Variants in ZNF644 observed in about 807,000 individuals in gnomAD.
ZNF644 encodes the protein zinc finger protein 644.
Under a neutral mutation model 108.0 loss-of-function variants are expected in ZNF644, and 20 were observed. The observed-to-expected ratio is 0.19, with a 90% CI of 0.13 to 0.27. ZNF644 has a LOEUF of 0.27. Among genes scored for constraint, ZNF644 ranks in the 10% least tolerant of loss-of-function variants. ZNF644 has a pLI of 1.00. For synonymous variants in ZNF644, 542 were observed against 539.1 expected, an observed-to-expected ratio of 1.01 and a Z score of -0.08; for missense variants, 1,338 against 1,548.9, an observed-to-expected ratio of 0.86 and a Z score of 2.29.
At chr1:90,953,026 A>G (rs1653351270) in intron 2 of ZNF644, among the ~76,000 whole-genome samples, 1 of 151,742 alleles carries the variant, frequency 6.6e-6, no homozygotes, top group South Asian at 2.1e-4. Flanking sequence ...AAAAAAAAAA[A>G]AAAAGCAGCT....
chr1:90,955,551 C>G (rs367792537), intron 2 of ZNF644, among the ~76,000 whole-genome samples: 3 of 152,342 alleles, frequency 2.0e-5, no homozygotes, highest in East Asian at 3.9e-4. Flanking sequence ...CTTGCTGCAT[C>G]ACTTTGAGCT....
chr1:90,950,282 A>G (rs190973407), intron 2 of ZNF644, among the ~76,000 whole-genome samples: 679 of 3,346 alleles, frequency 0.2, 26 homozygotes, highest in Middle Eastern at 0.4. Context: ...ATCTCAAGGG[A>G]AGGGAAGGGA....
Position 90,938,683 on chromosome 1 carries a change from G to A in ZNF644, c.2671C>T (p.Pro891Ser). ...DINQEHVNLF[P>S]LFKSKVEGQE... is the part of the protein sequence containing the mutation. ...CCTTCCACTTTGCTCTTAAATAAAG[G>A]GAATAAATTTACATGCTCTTGATTA... The change falls in exon 3 of 6, where the codon CCT becomes TCT. Residue 891 changes from proline to serine, a missense_variant. Around this residue, in one of 6 missense-constraint regions of ZNF644, gnomAD observed 462 missense variants for 472.6 expected, o/e 0.98. Coordinates refer to ENST00000337393, the MANE Select transcript of ZNF644 (RefSeq NM_201269.3). The surrounding 1 kb of genome is among the most constrained non-coding windows in gnomAD (Gnocchi z 4.2). The A allele has an allele frequency of 6.2e-7, 1 of 1,612,128 alleles. No individual in the cohort carries two copies. The highest frequency in any genetic ancestry group is 1.3e-5 in the African/African-American group (1 of 74,818).
chr1:90,930,345 A>G (rs1650595411), intron 4 of ZNF644, among the ~76,000 whole-genome samples: 2 of 152,340 alleles, frequency 1.3e-5, no homozygotes, highest in African/African-American at 4.8e-5. Context: ...CCCAAATATA[A>G]AAATATTTTT....
intron 2 of ZNF644, among the ~76,000 whole-genome samples, chr1:90,947,990 G>A (rs1323787997): frequency 6.6e-6 from 1 of 152,150 alleles, no homozygotes; most frequent in Non-Finnish European, 1.5e-5. Context: ...GGGACTGTAT[G>A]TAATTACATA....
chr1:90,983,110 G>C (rs1365422448), intron 1 of ZNF644, among the ~76,000 whole-genome samples: 1 of 151,996 alleles, frequency 6.6e-6, no homozygotes, highest in East Asian at 1.9e-4. Context: ...CCTGAAACTA[G>C]CTTGTGACTC....
intron 2 of ZNF644, among the ~76,000 whole-genome samples, chr1:90,963,540 ACAGCAGCATTATT>A (rs1654538001): frequency 6.6e-6 from 1 of 152,178 alleles, no homozygotes; most frequent in Non-Finnish European, 1.5e-5. Flanking sequence ...AAGAATGTTC[ACAGCAGCATTATT>A]CAGCCCAAAC....
At chr1:90,927,301 G>A (rs1208907390) in intron 4 of ZNF644, among the ~76,000 whole-genome samples, 1 of 152,108 alleles carries the variant, frequency 6.6e-6, no homozygotes, top group Admixed American at 6.6e-5. Context: ...ATGTATCTCT[G>A]CATACTTAGC....
At chr1:90,953,258 C>T (rs1264018248) in intron 2 of ZNF644, among the ~76,000 whole-genome samples, 1 of 151,192 alleles carries the variant, frequency 6.6e-6, no homozygotes, top group East Asian at 1.9e-4. Flanking sequence ...CAGTTCCAGA[C>T]GACTGCAATA....
chr1:90,999,897 G>A (rs1396390481), intron 1 of ZNF644, among the ~76,000 whole-genome samples: 4 of 152,146 alleles, frequency 2.6e-5, no homozygotes, highest in African/African-American at 9.7e-5. Context: ...CCTAGTCTCT[G>A]ATAAAACAGA....
rs1401343237 is a variant in ZNF644, at chr1:90,940,666, C to A, written c.688G>T (p.Asp230Tyr). ...NQVEVGEDGE[D>Y]LLVKDDCVNT... Reference sequence around the variant, plus strand: ...ACACAATCATCTTTCACCAATAAATCTTCACCATCCTCACCCACCTCTACT... The same window carrying A: ...ACACAATCATCTTTCACCAATAAATATTCACCATCCTCACCCACCTCTACT... The change falls in exon 3 of 6, where the codon GAT (aspartate) becomes TAT (tyrosine). Residue 230 changes from aspartate (D) to tyrosine (Y), a missense_variant. Physicochemically the swap from Asp to Tyr is radical, Grantham distance 160. This residue lies in a region of ZNF644 where 464 missense variants were observed against 457.9 expected (regional missense o/e 1.01). Transcript: ENST00000337393. The A allele has an allele frequency of 1.9e-6, 3 of 1,613,912 alleles. No individual in the cohort carries two copies. The African/African-American group carries it at 4.0e-5, about 22-fold the overall frequency.
chr1:90,966,823 T>C (rs1570455249), intron 2 of ZNF644, among the ~76,000 whole-genome samples: 1 of 151,350 alleles, frequency 6.6e-6, no homozygotes, highest in Non-Finnish European at 1.5e-5. Context: ...GAGATGGTCT[T>C]AAGGTAGCAG....
intron 4 of ZNF644, among the ~76,000 whole-genome samples, chr1:90,936,422 C>T (rs528159510): frequency 6.6e-6 from 1 of 152,136 alleles, no homozygotes; most frequent in East Asian, 1.9e-4. Context: ...AAGAAAAAGC[C>T]GGATTAAACA....
chr1:91,000,046 T>G (rs1396998565), intron 1 of ZNF644, among the ~76,000 whole-genome samples: 2 of 152,150 alleles, frequency 1.3e-5, no homozygotes, highest in Admixed American at 6.5e-5. Flanking sequence ...AGCAAGTCCT[T>G]AGAGACCTAC....
Position 90,953,928 on chromosome 1 carries a change from C to A in ZNF644, c.45-12619G>T, listed in dbSNP as rs148449969. ...ACTCTGTCTCAAAAAACAACAACAA[C>A]AAAAATAAATAAATGAAATAAAATA... is the stretch of plus-strand genomic sequence containing the variant. On this transcript the variant is annotated intron_variant, in intron 2 of 5. Coordinates refer to ENST00000337393, the MANE Select transcript of ZNF644 (RefSeq NM_201269.3). 1.5e-4 allele frequency among the ~76,000 whole-genome samples: 23 copies of A among 151,988 alleles called. 1 individual carries two copies. In the East Asian group the frequency reaches 3.7e-3, roughly 24 times the overall value.
chr1:90,971,887 C>T (rs950706019), intron 2 of ZNF644, among the ~76,000 whole-genome samples: 3 of 152,178 alleles, frequency 2.0e-5, no homozygotes, highest in Non-Finnish European at 4.4e-5. Flanking sequence ...TTTCTCAGAA[C>T]ACTTCCAAGT....
intron 1 of ZNF644, among the ~76,000 whole-genome samples, chr1:90,989,405 T>C (rs572081840): frequency 6.6e-6 from 1 of 151,934 alleles, no homozygotes; most frequent in African/African-American, 2.4e-5. Context: ...TAAATAGGTG[T>C]GGTAGCACGC....
chr1:90,944,591 A>C (rs1652334025), intron 2 of ZNF644, among the ~76,000 whole-genome samples: 1 of 152,212 alleles, frequency 6.6e-6, no homozygotes, highest in African/African-American at 2.4e-5. Flanking sequence ...AAGTTGACTT[A>C]GGAAGCTTTC....
At chr1:90,985,377 A>G (rs1235579844) in intron 1 of ZNF644, among the ~76,000 whole-genome samples, 1 of 152,190 alleles carries the variant, frequency 6.6e-6, no homozygotes, top group Non-Finnish European at 1.5e-5. Flanking sequence ...ACTATATTTC[A>G]TAATTCTGTG....
Sources: allele counts gnomAD v4.1 joint callset (sites outside exome capture counted in the v4.1 genomes callset), GRCh38; gene constraint gnomAD v4.1.1; regional missense constraint gnomAD v4.1.1; non-coding constraint Gnocchi (gnomAD v3.1); transcripts MANE v1.5; gene names NCBI Gene and HGNC (gene_info 2026-07-23, HGNC 2026-07-21).